Variants in CNTLN observed in about 807,000 individuals in gnomAD.
The protein encoded by CNTLN is centlein, centrosomal protein.
In CNTLN, 212 loss-of-function variants were observed where a neutral mutation model predicts 180.0. That is an observed-to-expected ratio of 1.18 (90% confidence interval 1.05 to 1.32). The LOEUF (loss-of-function observed/expected upper bound fraction) is 1.32. Among genes scored for constraint, CNTLN ranks in the 40% most tolerant of loss-of-function variants. The pLI is 0.00. For synonymous variants in CNTLN, 722 were observed against 563.1 expected, an observed-to-expected ratio of 1.28 and a Z score of -3.99; for missense variants, 2,095 against 1,610.9, an observed-to-expected ratio of 1.30 and a Z score of -5.14.
At chr9:17,179,732 C>G (rs1004545208) in intron 2 of CNTLN, among the ~76,000 whole-genome samples, 4 of 152,126 alleles carry the variant, frequency 2.6e-5, no homozygotes, top group African/African-American at 9.6e-5. Context: ...AATTCACTGG[C>G]TAGTTCTATA....
At chr9:17,173,733 C>T (rs1325296273) in intron 2 of CNTLN, among the ~76,000 whole-genome samples, 1 of 151,978 alleles carries the variant, frequency 6.6e-6, no homozygotes, top group African/African-American at 2.4e-5. Flanking sequence ...TTAGGGTCAG[C>T]GATTTTTTAA....
At chr9:17,490,796 A>G (rs1360577281) in intron 25 of CNTLN, among the ~76,000 whole-genome samples, 2 of 152,148 alleles carry the variant, frequency 1.3e-5, no homozygotes, top group African/African-American at 4.8e-5. Flanking sequence ...AAAAAAGAAT[A>G]CATTTAAAAG....
At chr9:17,242,131 C>G (rs1017749753) in intron 5 of CNTLN, among the ~76,000 whole-genome samples, 2 of 152,150 alleles carry the variant, frequency 1.3e-5, no homozygotes. Context: ...ATTTTAGCAT[C>G]AAGCTTTCAG....
rs1047736994 is a variant in CNTLN at position 17,298,240 on chromosome 9, C to G, written c.1034C>G (p.Thr345Arg). Residue 345 changes from threonine (T) to arginine (R), a missense_variant, in exon 7 of 26, where the codon ACA becomes AGA. Physicochemically the swap from Thr to Arg is moderately conservative, Grantham distance 71. Transcript: ENST00000380647. ...QNLYKQNSTHTAQQAELIQQL... is the reference protein window; with the variant it reads ...QNLYKQNSTHRAQQAELIQQL... ...CTTTACAAACAGAACAGTACACATA[C>G]AGCCCAGCAAGCAGAGCTGATCCAG... 2.5e-6 allele frequency: 4 copies of G among 1,610,854 alleles called. No individual in the cohort carries two copies. Among genetic ancestry groups the G allele is most frequent in the Non-Finnish European group, 3.4e-6 (4 of 1,178,932 alleles).
chr9:17,267,844 T>G (rs1827603122), intron 5 of CNTLN, among the ~76,000 whole-genome samples: 1 of 152,224 alleles, frequency 6.6e-6, no homozygotes, highest in African/African-American at 2.4e-5. Flanking sequence ...CTAATGAGGC[T>G]TCTGCAGTCC....
At chr9:17,314,903 A>G (rs1430609820) in intron 8 of CNTLN, among the ~76,000 whole-genome samples, 1 of 152,200 alleles carries the variant, frequency 6.6e-6, no homozygotes, top group African/African-American at 2.4e-5. Context: ...AGACTATTTT[A>G]ACTGATTTTT....
chr9:17,440,383 C>T (rs1197421035), intron 18 of CNTLN, among the ~76,000 whole-genome samples: 2 of 144,686 alleles, frequency 1.4e-5, no homozygotes, highest in East Asian at 2.0e-4. Context: ...ACCATCCTGG[C>T]TAACAGGGTG....
intron 1 of CNTLN, among the ~76,000 whole-genome samples, chr9:17,142,579 G>A (rs1353956704): frequency 3.3e-5 from 5 of 152,112 alleles, no homozygotes; most frequent in South Asian, 2.1e-4. Flanking sequence ...AGAAATGTGC[G>A]AGTCTCAGTG....
chr9:17,306,454 T>C (rs1384914773), intron 7 of CNTLN, among the ~76,000 whole-genome samples: 2 of 152,166 alleles, frequency 1.3e-5, no homozygotes, highest in Admixed American at 6.5e-5. Flanking sequence ...TGACCAGTGC[T>C]CTATTTTATG....
At chr9:17,367,671 G>A (rs540806664) in intron 13 of CNTLN, among the ~76,000 whole-genome samples, 1 of 152,072 alleles carries the variant, frequency 6.6e-6, no homozygotes, top group African/African-American at 2.4e-5. Context: ...CAATAGGATA[G>A]GGCGCTAGTT....
intron 3 of CNTLN, among the ~76,000 whole-genome samples, chr9:17,230,164 A>G (rs1435994207): frequency 1.3e-5 from 2 of 152,098 alleles, no homozygotes; most frequent in Non-Finnish European, 2.9e-5. Context: ...TTATTTGGAC[A>G]TGTTTTGGCA....
chr9:17,346,096 G>A (rs908956706), intron 12 of CNTLN, among the ~76,000 whole-genome samples: 1 of 152,224 alleles, frequency 6.6e-6, no homozygotes, highest in African/African-American at 2.4e-5. Flanking sequence ...AGTTCCACAC[G>A]GCTGGGGAGG....
chr9:17,335,999 A>G (rs1246669879), intron 10 of CNTLN, among the ~76,000 whole-genome samples: 2 of 151,880 alleles, frequency 1.3e-5, no homozygotes, highest in Non-Finnish European at 2.9e-5. Flanking sequence ...GGAAGTACTT[A>G]GTAAATGTTT....
chr9:17,192,081 G>A (rs1373092333), intron 2 of CNTLN, among the ~76,000 whole-genome samples: 1 of 152,102 alleles, frequency 6.6e-6, no homozygotes. Flanking sequence ...ACTATCATAA[G>A]TATACATTTG....
At chr9:17,369,460 T>C (rs991841110) in intron 13 of CNTLN, among the ~76,000 whole-genome samples, 2 of 151,964 alleles carry the variant, frequency 1.3e-5, no homozygotes, top group East Asian at 1.9e-4. Flanking sequence ...GAAACAGATA[T>C]GTAGCCTTTC....
intron 5 of CNTLN, among the ~76,000 whole-genome samples, chr9:17,242,669 T>G (rs370938501): frequency 1.3e-5 from 2 of 152,210 alleles, no homozygotes; most frequent in East Asian, 3.9e-4. Flanking sequence ...CAATGATTGA[T>G]TTGCATATGT....
rs368423251 is a variant in CNTLN, at chr9:17,347,730, C to T, written c.1886+5286C>T. 1.3e-4 allele frequency among the ~76,000 whole-genome samples: 20 copies of T among 151,194 alleles called. No individual in the cohort carries two copies. In the South Asian group the frequency reaches 4.0e-3, roughly 30 times the overall value. ...AGAAAATGTATTGAATACATGTAAA[C>T]TACCAGACATCATAGCTTAGCCTAG... On this transcript the variant is annotated intron_variant, in intron 12 of 25. Transcript: ENST00000380647.
intron 6 of CNTLN, among the ~76,000 whole-genome samples, chr9:17,274,921 A>G (rs1828212893): frequency 6.6e-6 from 1 of 152,160 alleles, no homozygotes; most frequent in Non-Finnish European, 1.5e-5. Context: ...TGAAGCCAAT[A>G]AAGTTAAAAT....
chr9:17,475,718 A>G (rs113020044), intron 23 of CNTLN, among the ~76,000 whole-genome samples: 5,490 of 152,008 alleles, frequency 0.036, 280 homozygotes, highest in African/African-American at 0.11. Flanking sequence ...TATAACTACA[A>G]AAAAATTAGC....
Sources: allele counts gnomAD v4.1 joint callset (sites outside exome capture counted in the v4.1 genomes callset), GRCh38; gene constraint gnomAD v4.1.1; transcripts MANE v1.5; gene names NCBI Gene and HGNC (gene_info 2026-07-23, HGNC 2026-07-21).